SPTY2D1: variants seen among roughly 807,000 people sequenced by gnomAD.
The protein encoded by SPTY2D1 is protein SPT2 homolog.
A neutral mutation model predicts 64.0 loss-of-function variants in SPTY2D1; 21 were observed. The observed-to-expected ratio is 0.33, with a 90% CI of 0.23 to 0.47. The LOEUF (loss-of-function observed/expected upper bound fraction) is 0.47, where lower values mean the gene tolerates loss of function less well. Among genes scored for constraint, SPTY2D1 ranks in the 20% least tolerant of loss-of-function variants. The pLI is 1.00. For missense variants in SPTY2D1, 724 were observed against 837.2 expected, an observed-to-expected ratio of 0.86 and a Z score of 1.67; for synonymous variants, 287 against 286.8, an observed-to-expected ratio of 1.00 and a Z score of -0.01.
intron 3 of SPTY2D1, among the ~76,000 whole-genome samples, chr11:18,613,297 A>T (rs2134109472): frequency 6.6e-6 from 1 of 152,356 alleles, no homozygotes; most frequent in South Asian, 2.1e-4. Flanking sequence ...TTACCAAAAG[A>T]CTGATAAAAA....
intron 1 of SPTY2D1, among the ~76,000 whole-genome samples, chr11:18,622,933 CAA>C (rs915674826): frequency 1.3e-5 from 2 of 150,814 alleles, no homozygotes; most frequent in Non-Finnish European, 2.9e-5. Context: ...GCCTGGGCAA[CAA>C]GAGCAAAACT....
At chr11:18,616,227 C>T (rs1486519166) in intron 2 of SPTY2D1, 129 bp from the exon 3 acceptor site, 2 of 832,636 alleles carry the variant, frequency 2.4e-6, no homozygotes, top group African/African-American at 3.4e-5. Context: ...GTCATGTGAA[C>T]AAGTATCAAT....
rs1359878043 is a variant in SPTY2D1, at chr11:18,616,902, T to G, written c.148A>C (p.Arg50=). The change falls in exon 2 of 6, where the codon AGG becomes CGG. Residue 50 remains arginine (R), a synonymous_variant. Transcript: ENST00000336349. ...TTTCGTCTCAGCTCCTCTTCTTTCC[T>G]TTTAAGAAAAGCTTGTACAGCTGCT... ...QSAAVQAFLK[R]KEEELRRKAL... 1 of 1,614,196 alleles carries G rather than the reference T, an allele frequency of 6.2e-7. No individual in the cohort carries two copies. The highest frequency in any genetic ancestry group is 1.7e-5 in the Admixed American group (1 of 60,022).
At chr11:18,633,321 A>G (rs1422946336) in intron 1 of SPTY2D1, among the ~76,000 whole-genome samples, 2 of 152,200 alleles carry the variant, frequency 1.3e-5, no homozygotes, top group Non-Finnish European at 2.9e-5. Context: ...TTTTAGTTCT[A>G]TACCTCACTG....
intron 1 of SPTY2D1, among the ~76,000 whole-genome samples, chr11:18,632,703 T>C (rs920096410): frequency 1.3e-5 from 2 of 152,224 alleles, no homozygotes; most frequent in African/African-American, 4.8e-5. Flanking sequence ...ATTCCAATCA[T>C]AGATAATGCA....
rs1197886623 is a variant in SPTY2D1 at position 18,609,066 on chromosome 11, TA to T, written c.*794del. ...TTTCAAATCTAATGTTTGAATAAAA[TA>T]TTTTTTCTTCGATATAAAAATGAAT... On this transcript the variant is annotated 3_prime_UTR_variant, in exon 6 of 6. Coordinates refer to ENST00000336349, the MANE Select transcript of SPTY2D1 (RefSeq NM_194285.3). 1 of 152,312 alleles carries T rather than the reference TA, an allele frequency of 6.6e-6. No individual in the cohort carries two copies. The highest frequency in any genetic ancestry group is 6.5e-5 in the Admixed American group (1 of 15,276). The allele number at this position is 152,312 out of a possible 1,614,324, so 9.4% of individuals were successfully genotyped here.
intron 3 of SPTY2D1, among the ~76,000 whole-genome samples, chr11:18,613,819 T>A (rs1408100334): frequency 6.6e-6 from 1 of 152,106 alleles, no homozygotes; most frequent in Non-Finnish European, 1.5e-5. Flanking sequence ...GTGTTTAGGA[T>A]CTTGATACTA....
In SPTY2D1 at chr11:18,609,913, C is replaced by T. The variant is rs1438697398; in HGVS notation, c.2006G>A (p.Arg669His). ...GMQEDLEEMR[R>H]EEEEMQRRRA... ...TCGACGTTGCATTTCTTCTTCTTCA[C>T]GTCTCATTTCCTCTAAGTCCTCTTG... Residue 669 changes from arginine (R) to histidine (H), a missense_variant, in exon 6 of 6, where the codon CGT (arginine) becomes CAT (histidine). Transcript: ENST00000336349. 7.4e-6 allele frequency: 12 copies of T among 1,614,048 alleles called. No individual in the cohort carries two copies. The highest frequency in any genetic ancestry group is 3.3e-5 in the Admixed American group (2 of 60,000).
At chr11:18,622,823 G>A (rs1355569520) in intron 1 of SPTY2D1, among the ~76,000 whole-genome samples, 3 of 151,688 alleles carry the variant, frequency 2.0e-5, no homozygotes, top group Non-Finnish European at 2.9e-5. Flanking sequence ...GTGATGGCAC[G>A]CACCTATAAT....
chr11:18,613,168 A>G (rs917641565), intron 3 of SPTY2D1, among the ~76,000 whole-genome samples: 3 of 152,248 alleles, frequency 2.0e-5, no homozygotes, highest in African/African-American at 7.2e-5. Context: ...CTATAATCAC[A>G]ATTTCATTTA....
rs111235428 is a variant in SPTY2D1 at position 18,622,906 on chromosome 11, C to T, written c.61-5917G>A. On this transcript the variant is annotated intron_variant, in intron 1 of 5. Transcript: ENST00000336349. ...GGTGGAGGTTGCAGTGAGCTGAGAT[C>T]GCGCCACTGTACTCCAGCCTGGGCA... 4.6e-5 allele frequency among the ~76,000 whole-genome samples: 7 copies of T among 151,520 alleles called. No homozygotes were observed. In the East Asian group the frequency reaches 1.2e-3, roughly 25 times the overall value.
chr11:18,617,011 GTTAGAAGCAA>G (rs775971862), intron 1 of SPTY2D1, 22 bp from the exon 2 acceptor site: 1 of 1,603,288 alleles, frequency 6.2e-7, no homozygotes, highest in Non-Finnish European at 8.5e-7. Context: ...AACAGTAAAA[GTTAGAAGCAA>G]TTCAACTTTT....
In SPTY2D1 at chr11:18,614,940, G is replaced by A; in HGVS notation, c.1334C>T (p.Pro445Leu). 3 of 1,613,800 alleles carry A rather than the reference G, an allele frequency of 1.9e-6. No individual in the cohort carries two copies. The highest frequency in any genetic ancestry group is 2.5e-6 in the Non-Finnish European group (3 of 1,179,782). ...PGQPASSSGG[P>L]GRPISGSVSS... Reference sequence around the variant, plus strand: ...AACTGAACCACTGATGGGTCGCCCAGGGCCACCTGAGCTGCTTGCAGGTTG... The same window carrying A: ...AACTGAACCACTGATGGGTCGCCCAAGGCCACCTGAGCTGCTTGCAGGTTG... Residue 445 changes from proline to leucine, a missense_variant, in exon 3 of 6, where the codon CCT becomes CTT. Transcript: ENST00000336349.
chr11:18,633,288 A>G (rs1296530809), intron 1 of SPTY2D1, among the ~76,000 whole-genome samples: 1 of 152,200 alleles, frequency 6.6e-6, no homozygotes, highest in Non-Finnish European at 1.5e-5. Flanking sequence ...AATAAATTCT[A>G]GCTGAATTGA....
At chr11:18,611,308 A>G (rs948075510) in intron 5 of SPTY2D1, among the ~76,000 whole-genome samples, 169 bp downstream of exon 5, 3 of 152,198 alleles carry the variant, frequency 2.0e-5, no homozygotes, top group Non-Finnish European at 4.4e-5. Context: ...AAACCAGTGA[A>G]AAAACAGAAC....
chr11:18,611,049 C>T (rs1854198281), intron 5 of SPTY2D1, among the ~76,000 whole-genome samples: 1 of 152,160 alleles, frequency 6.6e-6, no homozygotes, highest in African/African-American at 2.4e-5. Context: ...AATCCCAACA[C>T]TTTGTGAGGC....
In SPTY2D1 at chr11:18,608,638, T is replaced by A. The variant is rs1456837867; in HGVS notation, c.*1223A>T. On this transcript the variant is annotated 3_prime_UTR_variant, in exon 6 of 6. Coordinates refer to ENST00000336349, the MANE Select transcript of SPTY2D1 (RefSeq NM_194285.3). ...CTTGAGACTTGGCTTCCTTCCAGCA[T>A]GATCCTAAGTCAGCCTGATTGGAAC... The A allele has an allele frequency of 1.3e-5, 2 of 152,278 alleles. No homozygotes were observed. Among genetic ancestry groups the A allele is most frequent in the Non-Finnish European group, 2.9e-5 (2 of 68,046 alleles). The allele number at this position is 152,278 out of a possible 1,614,324, so 9.4% of individuals were successfully genotyped here. A position where few individuals can be genotyped will look rare whatever the true frequency, so the allele number is the denominator to read the frequency against.
In SPTY2D1 at chr11:18,614,615, A is replaced by G. The variant is rs2134110179; in HGVS notation, c.1659T>C (p.Asn553=). The change falls in exon 3 of 6, where the codon AAT becomes AAC. Residue 553 remains asparagine (N), a synonymous_variant. Transcript: ENST00000336349. ...SSKNIISRSS[N]GQMNGMKPPL... is the part of the protein sequence containing the mutation. The stretch of plus-strand genomic sequence containing the variant: ...GAGGCTTCATTCCATTCATCTGTCC[A>G]TTGCTGGACCGGCTAATGATATTCT... The G allele has an allele frequency of 6.2e-7, 1 of 1,614,192 alleles. No homozygotes were observed. The highest frequency in any genetic ancestry group is 1.1e-5 in the South Asian group (1 of 91,078).
rs368836656 is a variant in SPTY2D1 at position 18,616,864 on chromosome 11, T to C, written c.175+11A>G. ...TACTTTAAAATTGAGAATAAGGCTA[T>C]AGATACATACCTTTTCGTCTCAGCT... is the stretch of plus-strand genomic sequence containing the variant. On this transcript the variant is annotated intron_variant, in intron 2 of 5. Coordinates refer to ENST00000336349, the MANE Select transcript of SPTY2D1 (RefSeq NM_194285.3). 123 of 1,612,344 alleles carry C rather than the reference T, an allele frequency of 7.6e-5. No homozygotes were observed. The highest frequency in any genetic ancestry group is 1.6e-4 in the Middle Eastern group (1 of 6,082).
Sources: allele counts gnomAD v4.1 joint callset (sites outside exome capture counted in the v4.1 genomes callset), GRCh38; gene constraint gnomAD v4.1.1; transcripts MANE v1.5; gene names NCBI Gene and HGNC (gene_info 2026-07-23, HGNC 2026-07-21).